The following GNG4 variants were observed in gnomAD, a reference collection of about 807,000 sequenced individuals.
GNG4 encodes guanine nucleotide-binding protein G(I)/G(S)/G(O) subunit gamma-4.
In GNG4, 4 loss-of-function variants were observed where a neutral mutation model predicts 5.8. The observed-to-expected ratio is 0.69, with a 90% CI of 0.34 to 1.57. The LOEUF (loss-of-function observed/expected upper bound fraction) is 1.57, where lower values mean the gene tolerates loss of function less well. Ranked by LOEUF, GNG4 falls within the 40% of genes most tolerant of loss-of-function variation. The pLI is 0.06. For synonymous variants in GNG4, 29 were observed against 32.9 expected (o/e 0.88, Z 0.41); for missense variants, 96 against 95.1 (o/e 1.01, Z -0.04).
At chr1:235,557,272 T>C (rs748939175) in intron 3 of GNG4, among the ~76,000 whole-genome samples, 5 of 149,024 alleles carry the variant, frequency 3.4e-5, no homozygotes, top group Admixed American at 1.3e-4. Flanking sequence ...AATTCTCAAG[T>C]GGCCTGGAAC....
intron 3 of GNG4, among the ~76,000 whole-genome samples, chr1:235,559,572 CT>C (rs1687005613): frequency 6.6e-6 from 1 of 152,158 alleles, no homozygotes; most frequent in African/African-American, 2.4e-5. Context: ...GCAATTCTTA[CT>C]TGTTGGCGGA....
At chr1:235,635,110 T>C (rs923944196) in intron 1 of GNG4, among the ~76,000 whole-genome samples, 1 of 152,182 alleles carries the variant, frequency 6.6e-6, no homozygotes, top group African/African-American at 2.4e-5. Context: ...TTGCAAACCA[T>C]GGTTCCAATG....
intron 2 of GNG4, among the ~76,000 whole-genome samples, chr1:235,586,974 C>T (rs978125720): frequency 6.6e-6 from 1 of 152,140 alleles, no homozygotes; most frequent in African/African-American, 2.4e-5. Context: ...ATCCCTCTCG[C>T]CCCTTGTCTT....
At chr1:235,554,256 A>G (rs773728428) in intron 3 of GNG4, among the ~76,000 whole-genome samples, 11 of 152,124 alleles carry the variant, frequency 7.2e-5, no homozygotes, top group Non-Finnish European at 1.6e-4. Context: ...GCCCTCCCCA[A>G]CTGCTGGAGT....
At chr1:235,629,370 C>T (rs1688888480) in intron 1 of GNG4, among the ~76,000 whole-genome samples, 2 of 151,962 alleles carry the variant, frequency 1.3e-5, no homozygotes, top group South Asian at 4.2e-4. Flanking sequence ...AAATTGGTCC[C>T]AACTTCTCCC....
intron 3 of GNG4, among the ~76,000 whole-genome samples, chr1:235,570,945 C>T (rs141089558): frequency 0.012 from 1,395 of 115,626 alleles, 24 homozygotes; most frequent in African/African-American, 0.043. Context: ...CACACACACA[C>T]ATATATATAT....
rs999823082 is a variant in GNG4, at chr1:235,551,359, T to C, written c.*750A>G. 3 of 152,158 alleles carry C rather than the reference T, an allele frequency of 2.0e-5. No individual in the cohort carries two copies. 9.4% of individuals were successfully genotyped at this position (152,158 alleles called of 1,614,324 possible). A position where few individuals can be genotyped will look rare whatever the true frequency, so the allele number is the denominator to read the frequency against. ...GAGTTTGAGACCAGCCTGACCAACA[T>C]GGTGAAACCCCGTCTTTACTAAAAA... On this transcript the variant is annotated 3_prime_UTR_variant, in exon 4 of 4. Transcript: ENST00000391854.
chr1:235,600,100 C>CATTTTTTTTTTTTTTTTTTTTTT (rs1688222477), intron 1 of GNG4, among the ~76,000 whole-genome samples: 1 of 43,128 alleles, frequency 2.3e-5, no homozygotes, highest in Non-Finnish European at 4.1e-5. Context: ...CGGAAGAAAG[C>CATTTTTTTTTTTTTTTTTTTTTT]TTTTTTTTTT....
intron 3 of GNG4, among the ~76,000 whole-genome samples, chr1:235,569,247 C>T (rs1480823176): frequency 6.6e-6 from 1 of 152,102 alleles, no homozygotes; most frequent in African/African-American, 2.4e-5. Flanking sequence ...TGGGGGCTCA[C>T]GCCTGTAATC....
At chr1:235,641,624 C>G (rs996776503) in intron 1 of GNG4, among the ~76,000 whole-genome samples, 1 of 152,022 alleles carries the variant, frequency 6.6e-6, no homozygotes, top group Non-Finnish European at 1.5e-5. Context: ...CTGGGAGGTG[C>G]AGGTTGCAGT....
At chr1:235,582,507 G>C (rs191636731) in intron 3 of GNG4, among the ~76,000 whole-genome samples, 22 of 152,318 alleles carry the variant, frequency 1.4e-4, no homozygotes, top group Admixed American at 1.4e-3. Flanking sequence ...TTCAAGTATA[G>C]ATTAGGTGCT....
intron 1 of GNG4, among the ~76,000 whole-genome samples, chr1:235,613,927 C>T (rs904675426): frequency 1.3e-5 from 2 of 152,198 alleles, no homozygotes; most frequent in African/African-American, 4.8e-5. Context: ...GATCCTCCCA[C>T]CTCAGCCTCC....
intron 3 of GNG4, among the ~76,000 whole-genome samples, chr1:235,572,724 T>G (rs1200940636): frequency 4.0e-5 from 6 of 151,724 alleles, no homozygotes; most frequent in African/African-American, 1.5e-4. Context: ...GGTCTTGAAC[T>G]CCTGACCTCA....
rs869163486 is a variant in GNG4 at position 235,639,550 on chromosome 1, CT to C, written c.-123+10111del. On this transcript the variant is annotated intron_variant, in intron 1 of 3. Coordinates refer to ENST00000391854, the MANE Select transcript of GNG4 (RefSeq NM_001098722.2). ...GCTTTTCTTAATTCCGTGTTGTATG[CT>C]TTTTTTTTCTGAGACAGAGTCTTAC... 3.9e-5 allele frequency among the ~76,000 whole-genome samples: 4 copies of C among 103,270 alleles called. No homozygotes were observed. The Middle Eastern group carries it at 0.015, about 391-fold the overall frequency. 67.7% of individuals were successfully genotyped at this position (103,270 alleles called of 152,430 possible).
At chr1:235,603,261 TTAATAATAATAATAA>T (rs150938328) in intron 1 of GNG4, among the ~76,000 whole-genome samples, 2 of 147,608 alleles carry the variant, frequency 1.4e-5, no homozygotes, top group African/African-American at 5.0e-5. Flanking sequence ...ATAATAATAA[TTAATAATAATAATAA>T]TAATAATAAT....
chr1:235,575,056 C>T (rs989586587), intron 3 of GNG4, among the ~76,000 whole-genome samples: 4 of 152,116 alleles, frequency 2.6e-5, no homozygotes, highest in African/African-American at 9.7e-5. Flanking sequence ...AACTCCTGAC[C>T]TCGAATGATC....
intron 1 of GNG4, among the ~76,000 whole-genome samples, chr1:235,646,710 G>A (rs979236084): frequency 5.9e-5 from 9 of 152,156 alleles, no homozygotes; most frequent in African/African-American, 2.2e-4. Flanking sequence ...TTATCTGCAT[G>A]GCACCTGTCA....
intron 1 of GNG4, among the ~76,000 whole-genome samples, chr1:235,606,565 G>A (rs778067904): frequency 6.6e-6 from 1 of 152,132 alleles, no homozygotes; most frequent in Non-Finnish European, 1.5e-5. Context: ...GGGAGATGGT[G>A]CTGTGCTGTT....
intron 1 of GNG4, among the ~76,000 whole-genome samples, chr1:235,620,629 G>A (rs933293497): frequency 5.3e-5 from 8 of 152,006 alleles, no homozygotes; most frequent in East Asian, 2.0e-4. Flanking sequence ...TCCGCCTCCC[G>A]CGTTCATGCC....
Sources: gnomAD v4.1 joint callset for allele counts (sites outside exome capture counted in the v4.1 genomes callset) on GRCh38, gnomAD v4.1.1 for gene constraint, MANE v1.5 for transcripts, NCBI Gene and HGNC (gene_info 2026-07-23, HGNC 2026-07-21) for gene names.